JADE1: variants seen among roughly 807,000 people sequenced by gnomAD.
JADE1 encodes the protein protein Jade-1.
Under a neutral mutation model 81.8 loss-of-function variants are expected in JADE1, and 14 were observed. The observed-to-expected ratio is 0.17, with a 90% CI of 0.11 to 0.27. The LOEUF (loss-of-function observed/expected upper bound fraction) is 0.27, where lower values mean the gene tolerates loss of function less well. JADE1 is among the 10% of genes least tolerant of loss of function. The pLI is 1.00. For synonymous variants in JADE1, 353 were observed against 391.9 expected (o/e 0.90, Z 1.17); for missense variants, 690 against 1,047.9 (o/e 0.66, Z 4.71).
rs575949281 is a variant in JADE1, at chr4:128,820,120, T to A, written c.-27+10243T>A. 6.2e-5 allele frequency among the ~76,000 whole-genome samples: 3 copies of A among 48,518 alleles called. No individual in the cohort carries two copies. In the South Asian group the frequency reaches 4.1e-3, roughly 66 times the overall value. The allele number at this position is 48,518 out of a possible 152,430, so 31.8% of individuals were successfully genotyped here. A position where few individuals can be genotyped will look rare whatever the true frequency, so the allele number is the denominator to read the frequency against. On this transcript the variant is annotated intron_variant, in intron 1 of 10. Coordinates refer to ENST00000226319, the MANE Select transcript of JADE1 (RefSeq NM_199320.4). ...ATGGGTTTCTTTTGGGAAGATTTCT[T>A]TTTTTTTTTGAGATGGAGTCTTGCT...
chr4:128,852,313 G>A (rs368194072), intron 6 of JADE1, 45 bp downstream of exon 6: 69 of 1,513,228 alleles, frequency 4.6e-5, no homozygotes, highest in Non-Finnish European at 6.0e-5. Flanking sequence ...TGGGGCATGA[G>A]CCTGTCTGCT....
chr4:128,855,084 T>C (rs1347912173), intron 6 of JADE1, among the ~76,000 whole-genome samples: 1 of 152,218 alleles, frequency 6.6e-6, no homozygotes, highest in Non-Finnish European at 1.5e-5. Context: ...TTGCTTAGCC[T>C]AGGGAGTGTG....
chr4:128,830,899 TATC>T (rs755676480), intron 1 of JADE1, among the ~76,000 whole-genome samples: 2 of 152,210 alleles, frequency 1.3e-5, no homozygotes, highest in Non-Finnish European at 2.9e-5. Flanking sequence ...AGAATTCTGT[TATC>T]ATCAGCTACC....
At chr4:128,831,930 A>C in intron 2 of JADE1, 120 bp downstream of exon 2, 1 of 891,586 alleles carries the variant, frequency 1.1e-6, no homozygotes, top group Non-Finnish European at 1.9e-6. Flanking sequence ...GGTCAGAGAA[A>C]GCCAAAGCCT....
At chr4:128,870,675 C>T (rs566712992) in intron 10 of JADE1, among the ~76,000 whole-genome samples, 5 of 152,270 alleles carry the variant, frequency 3.3e-5, no homozygotes, top group African/African-American at 9.6e-5. Context: ...GGAATTTAGT[C>T]ACTGTGATTT....
chr4:128,862,690 G>T, intron 9 of JADE1: 1 of 1,011,334 alleles, frequency 9.9e-7, no homozygotes, highest in Non-Finnish European at 1.2e-6. Context: ...CTAGGTGCTG[G>T]TGATGGGCTT....
rs1301645445 is a variant in JADE1, at chr4:128,873,002, AT to A, written c.*741del. 1 of 445,300 alleles carries A rather than the reference AT, an allele frequency of 2.2e-6. No individual in the cohort carries two copies. Among genetic ancestry groups the A allele is most frequent in the African/African-American group, 2.0e-5 (1 of 49,638 alleles). The allele number at this position is 445,300 out of a possible 1,614,324, so 27.6% of individuals were successfully genotyped here. A position where few individuals can be genotyped will look rare whatever the true frequency, so the allele number is the denominator to read the frequency against. Reference sequence around the variant, plus strand: ...ACTGTTAGGAAAGTTGTATCTATGAATAAGGGCAGTTGAAGTAGAATTTTTA... The same window carrying A: ...ACTGTTAGGAAAGTTGTATCTATGAAAAGGGCAGTTGAAGTAGAATTTTTA... On this transcript the variant is annotated 3_prime_UTR_variant, in exon 11 of 11. Transcript: ENST00000226319.
chr4:128,867,760 G>A lies in JADE1; in HGVS notation c.1504-96G>A. 11 of 670,494 alleles carry A rather than the reference G, an allele frequency of 1.6e-5. No homozygotes were observed. In the South Asian group the frequency reaches 2.0e-4, roughly 12 times the overall value. 41.5% of individuals were successfully genotyped at this position (670,494 alleles called of 1,614,324 possible). On this transcript the variant is annotated intron_variant, in intron 9 of 10. Transcript: ENST00000226319. ...ATTTCAAGTATCTGTCAAGGCCCTA[G>A]TAGGAGTAATTTCTCTTAGGTAAAG... is the stretch of plus-strand genomic sequence containing the variant.
At chr4:128,835,244 A>G (rs1228248785) in intron 2 of JADE1, among the ~76,000 whole-genome samples, 1 of 152,228 alleles carries the variant, frequency 6.6e-6, no homozygotes, top group Admixed American at 6.5e-5. Flanking sequence ...AGCTGGTTCA[A>G]TATAAAGTAT....
intron 9 of JADE1, chr4:128,863,613 TG>T (rs1481221908): frequency 3.0e-6 from 3 of 985,324 alleles, no homozygotes; most frequent in African/African-American, 1.7e-5. Context: ...ATTCCGGCCC[TG>T]GAAGAGGCAG....
rs1231638491 is a variant in JADE1, at chr4:128,854,266, A to G, written c.697-1364A>G. Among the ~76,000 whole-genome samples the G allele has an allele frequency of 3.3e-5, 5 of 152,164 alleles. No individual in the cohort carries two copies. In the East Asian group the frequency reaches 5.8e-4, roughly 18 times the overall value. On this transcript the variant is annotated intron_variant, in intron 6 of 10. Transcript: ENST00000226319. ...CTTCTCACCTTCTCTTCTTTCTGCC[A>G]TATCACCTTTTCTCTTTTCCTCAAC...
At chr4:128,867,762 A>G in intron 9 of JADE1, 94 bp from the exon 10 acceptor site, 1 of 676,620 alleles carries the variant, frequency 1.5e-6, no homozygotes, top group South Asian at 2.0e-5. Context: ...AGGCCCTAGT[A>G]GGAGTAATTT....
chr4:128,825,673 G>A (rs1227488544), intron 1 of JADE1, among the ~76,000 whole-genome samples: 1 of 152,220 alleles, frequency 6.6e-6, no homozygotes, highest in Admixed American at 6.5e-5. Context: ...GGTAGACTGT[G>A]TGCTCCTGCA....
At position 128,871,972 on chromosome 4, in the gene JADE1, A is replaced by C. The variant is rs752202742; in HGVS notation, c.2239A>C (p.Asn747His). Reference protein sequence around the residue: ...VPTTPASPVKNWGGFRIPKKG... With the variant: ...VPTTPASPVKHWGGFRIPKKG... The stretch of plus-strand genomic sequence containing the variant: ...TACAACACCTGCCAGCCCAGTGAAA[A>C]ACTGGGGAGGATTCCGGATTCCAAA... Residue 747 changes from asparagine (N) to histidine (H), a missense_variant, in exon 11 of 11, where the codon AAC (asparagine) becomes CAC (histidine). Around this residue, in one of 8 missense-constraint regions of JADE1, gnomAD observed 218 missense variants for 274.3 expected, o/e 0.79. Coordinates refer to ENST00000226319, the MANE Select transcript of JADE1 (RefSeq NM_199320.4). This position sits in a 1 kb window ranked among gnomAD's most constrained non-coding sequence, Gnocchi z 4.1. The C allele has an allele frequency of 1.9e-6, 3 of 1,613,972 alleles. No homozygotes were observed. In the South Asian group the frequency reaches 3.3e-5, roughly 18 times the overall value.
At position 128,861,893 on chromosome 4, in the gene JADE1, T is replaced by G; in HGVS notation, c.1171T>G (p.Cys391Gly). 6.2e-7 allele frequency: 1 copy of G among 1,613,954 alleles called. No individual in the cohort carries two copies. Among genetic ancestry groups the G allele is most frequent in the Non-Finnish European group, 8.5e-7 (1 of 1,179,924 alleles). Residue 391 changes from cysteine to glycine, a missense_variant, in exon 9 of 11, where the codon TGT (cysteine) becomes GGT (glycine). Cys to Gly is a radical substitution (Grantham distance 159). This residue lies in a region of JADE1 where 77 missense variants were observed against 76.4 expected (regional missense o/e 1.01). Transcript: ENST00000226319. ...GAAQENGAPECSPRNPLEPFA... is the reference protein window; with the variant it reads ...GAAQENGAPEGSPRNPLEPFA... ...TGCACAGGAGAATGGGGCCCCTGAGTGTTCCCCCCGGAATCCGCTGGAGCC... is the reference window on the plus strand; with the variant it reads ...TGCACAGGAGAATGGGGCCCCTGAGGGTTCCCCCCGGAATCCGCTGGAGCC...
rs377409173 is a variant in JADE1, at chr4:128,871,487, C to T, written c.1754C>T (p.Thr585Ile). ...GCATTCTTCAGAAAACAAATGGGTA[C>T]TTCCTTGGTTCATTCGCTGAAAAAG... ...HSAFFRKQMG[T>I]SLVHSLKKPH... Residue 585 changes from threonine to isoleucine, a missense_variant, in exon 11 of 11, where the codon ACT (threonine) becomes ATT (isoleucine). Transcript: ENST00000226319. This position sits in a 1 kb window ranked among gnomAD's most constrained non-coding sequence, Gnocchi z 4.1. The T allele has an allele frequency of 1.9e-6, 3 of 1,614,050 alleles. No individual in the cohort carries two copies. The highest frequency in any genetic ancestry group is 2.7e-5 in the African/African-American group (2 of 74,902).
intron 2 of JADE1, among the ~76,000 whole-genome samples, chr4:128,836,761 G>A (rs796650481): frequency 3.4e-5 from 5 of 145,246 alleles, no homozygotes; most frequent in African/African-American, 1.3e-4. Flanking sequence ...TTTTGAGATG[G>A]AGCCTCGCTT....
At position 128,862,958 on chromosome 4, in the gene JADE1, C is replaced by T. The variant is rs147621102; in HGVS notation, c.1503+733C>T. The T allele has an allele frequency of 3.7e-4, 360 of 985,736 alleles. No homozygotes were observed. In the African/African-American group the frequency reaches 4.0e-3, roughly 11 times the overall value. 61.1% of individuals were successfully genotyped at this position (985,736 alleles called of 1,614,324 possible). ...CATGTCTCTGTTGTGTGTCTGTGTG[C>T]GGGTATGGGTGGGATTCCTGGTGGA... On this transcript the variant is annotated intron_variant, in intron 9 of 10. Transcript: ENST00000226319.
intron 1 of JADE1, among the ~76,000 whole-genome samples, chr4:128,813,133 G>C (rs1478055542): frequency 6.6e-6 from 1 of 152,166 alleles, no homozygotes; most frequent in East Asian, 1.9e-4. Context: ...ACTCCCCAGT[G>C]GTTACAGATT....
Sources: allele counts gnomAD v4.1 joint callset (sites outside exome capture counted in the v4.1 genomes callset), GRCh38; gene constraint gnomAD v4.1.1; regional missense constraint gnomAD v4.1.1; non-coding constraint Gnocchi (gnomAD v3.1); transcripts MANE v1.5; gene names NCBI Gene and HGNC (gene_info 2026-07-23, HGNC 2026-07-21).